DCTN4: variants seen among roughly 807,000 people sequenced by gnomAD.
DCTN4 encodes the protein dynactin subunit 4, also known as dynactin 4 (p62).
Under a neutral mutation model 62.7 loss-of-function variants are expected in DCTN4, and 23 were observed. The observed-to-expected ratio is 0.37, with a 90% CI of 0.26 to 0.52. The LOEUF is 0.52. DCTN4 is among the 20% of genes least tolerant of loss of function. The probability of loss-of-function intolerance (pLI) is 0.92; values close to 1 mark genes in which losing one functional copy is unlikely to be tolerated. For synonymous variants in DCTN4, 199 were observed against 202.1 expected (o/e 0.98, Z 0.13); for missense variants, 514 against 580.4 (o/e 0.89, Z 1.18).
chr5:150,730,459 G>A (rs1013415640), intron 8 of DCTN4, among the ~76,000 whole-genome samples, 172 bp downstream of exon 8: 1 of 152,216 alleles, frequency 6.6e-6, no homozygotes, highest in Non-Finnish European at 1.5e-5. Context: ...AGAGTTGTAA[G>A]AGCTGTTTAT....
intron 5 of DCTN4, among the ~76,000 whole-genome samples, chr5:150,732,431 G>A (rs547890979): frequency 5.3e-5 from 8 of 152,308 alleles, no homozygotes; most frequent in East Asian, 1.9e-4. Flanking sequence ...GATTACAGGC[G>A]TGAGCCACTG....
Position 150,721,952 on chromosome 5 carries a change from G to C in DCTN4, c.908+955C>G, listed in dbSNP as rs144614132. On this transcript the variant is annotated intron_variant, in intron 9 of 12. Coordinates refer to ENST00000447998, the MANE Select transcript of DCTN4 (RefSeq NM_016221.4). ...GGGTCCTCTCACCTCAGACTCCCAA[G>C]TAGCTAGGACTACAGGTGCATGCCA... Among the ~76,000 whole-genome samples, 912 of 152,186 alleles carry C rather than the reference G, an allele frequency of 6.0e-3. 3 individuals carry two copies. The highest frequency in any genetic ancestry group is 0.011 in the Non-Finnish European group (720 of 67,992).
intron 3 of DCTN4, among the ~76,000 whole-genome samples, chr5:150,745,237 C>CTA (rs1312240879): frequency 6.7e-6 from 1 of 150,210 alleles, no homozygotes; most frequent in East Asian, 2.0e-4. Flanking sequence ...ACAAGAAGCG[C>CTA]TAACTATCCT....
chr5:150,715,447 A>AT, intron 12 of DCTN4, 118 bp downstream of exon 12: 1 of 732,616 alleles, frequency 1.4e-6, no homozygotes, highest in Non-Finnish European at 2.2e-6. Flanking sequence ...TACAATAATT[A>AT]TTTTTAGAAA....
intron 5 of DCTN4, chr5:150,731,878 G>T: frequency 6.4e-7 from 1 of 1,551,552 alleles, no homozygotes; most frequent in Non-Finnish European, 8.7e-7. Context: ...TCATAAAGGA[G>T]AACTTACCAC....
rs1000287471 is a variant in DCTN4, at chr5:150,758,307, T to G, written c.135+552A>C. The stretch of plus-strand genomic sequence containing the variant: ...ATAAATACACTTTCAGCTTCTTACA[T>G]GACATACTGTATTCTGAGCGCTTTT... On this transcript the variant is annotated intron_variant, in intron 1 of 12. Coordinates refer to ENST00000447998, the MANE Select transcript of DCTN4 (RefSeq NM_016221.4). 3 of 985,626 alleles carry G rather than the reference T, an allele frequency of 3.0e-6. No individual in the cohort carries two copies. In the African/African-American group the frequency reaches 5.2e-5, roughly 17 times the overall value. 61.1% of individuals were successfully genotyped at this position (985,626 alleles called of 1,614,324 possible). A position where few individuals can be genotyped will look rare whatever the true frequency, so the allele number is the denominator to read the frequency against.
At chr5:150,713,076 G>A (rs1367812625) in intron 12 of DCTN4, among the ~76,000 whole-genome samples, 2 of 152,178 alleles carry the variant, frequency 1.3e-5, no homozygotes, top group African/African-American at 4.8e-5. Context: ...AAGGATTTGA[G>A]AGAACACATT....
intron 1 of DCTN4, among the ~76,000 whole-genome samples, chr5:150,757,706 T>C (rs992768914): frequency 2.4e-4 from 36 of 152,328 alleles, no homozygotes; most frequent in African/African-American, 8.7e-4. Flanking sequence ...TTTTCTTGTA[T>C]TATTTAATTG....
rs1048378217 is a variant in DCTN4 at position 150,758,903 on chromosome 5, G to T, written c.91C>A (p.Arg31Ser). 19 of 1,613,992 alleles carry T rather than the reference G, an allele frequency of 1.2e-5. No individual in the cohort carries two copies. Among genetic ancestry groups the T allele is most frequent in the Non-Finnish European group, 1.6e-5 (19 of 1,180,006 alleles). Residue 31 changes from arginine to serine, a missense_variant, in exon 1 of 13, where the codon CGC becomes AGC. By Grantham distance (110) the Arg-to-Ser change is moderately radical (BLOSUM62 -1). Coordinates refer to ENST00000447998, the MANE Select transcript of DCTN4 (RefSeq NM_016221.4). Reference protein sequence around the residue: ...RAPLSQLYFCRYCSELRSLEC... With the variant: ...RAPLSQLYFCSYCSELRSLEC... ...AGCGACCGCAGTTCGCTACAATAGC[G>T]GCAGAAGTAGAGTTGCGAGAGCGGG...
chr5:150,741,751 G>A (rs1397542663), intron 4 of DCTN4, among the ~76,000 whole-genome samples: 2 of 152,154 alleles, frequency 1.3e-5, no homozygotes, highest in African/African-American at 4.8e-5. Context: ...CAAAGTATTG[G>A]GATTACAGGC....
chr5:150,756,342 G>C (rs1394769581), intron 2 of DCTN4, 75 bp downstream of exon 2: 1 of 1,085,448 alleles, frequency 9.2e-7, no homozygotes, highest in African/African-American at 1.6e-5. Context: ...CCTGGCCCAT[G>C]TGTCTTTTTA....
intron 8 of DCTN4, among the ~76,000 whole-genome samples, chr5:150,724,121 AACTG>A (rs1379263649): frequency 6.6e-6 from 1 of 152,232 alleles, no homozygotes; most frequent in Non-Finnish European, 1.5e-5. Context: ...ACTGAAATAT[AACTG>A]ACTAATCTGA....
chr5:150,727,505 G>A (rs192629332), intron 8 of DCTN4, among the ~76,000 whole-genome samples: 320 of 152,110 alleles, frequency 2.1e-3, no homozygotes, highest in Non-Finnish European at 1.3e-3. Flanking sequence ...GGCCGGGCGC[G>A]GTGGCTCACG....
intron 9 of DCTN4, among the ~76,000 whole-genome samples, chr5:150,721,607 C>T (rs1057139198): frequency 2.6e-5 from 4 of 152,198 alleles, no homozygotes; most frequent in African/African-American, 7.2e-5. Flanking sequence ...TTTCCATATA[C>T]AGTGTATCTT....
intron 8 of DCTN4, among the ~76,000 whole-genome samples, chr5:150,729,945 C>T (rs1159360097): frequency 6.6e-6 from 1 of 151,872 alleles, no homozygotes; most frequent in Non-Finnish European, 1.5e-5. Flanking sequence ...AAACTCTATA[C>T]ATTGTGTTTG....
At chr5:150,743,823 A>C (rs1190566979) in intron 3 of DCTN4, among the ~76,000 whole-genome samples, 2 of 152,180 alleles carry the variant, frequency 1.3e-5, no homozygotes, top group Admixed American at 1.3e-4. Flanking sequence ...AAGTAGATAA[A>C]ATCACAAAGA....
At chr5:150,748,736 A>G (rs1329718135) in intron 3 of DCTN4, among the ~76,000 whole-genome samples, 1 of 141,796 alleles carries the variant, frequency 7.1e-6, no homozygotes, top group Non-Finnish European at 1.5e-5. Flanking sequence ...GAATTGAACA[A>G]TGAGAACACA....
intron 6 of DCTN4, 90 bp downstream of exon 6, chr5:150,731,326 T>C (rs1760357002): frequency 2.4e-6 from 2 of 823,616 alleles, no homozygotes; most frequent in South Asian, 3.7e-5. Context: ...CATTGACAAC[T>C]GTGTGTGTGT....
At chr5:150,714,979 C>CT (rs768883967) in intron 12 of DCTN4, among the ~76,000 whole-genome samples, 12 of 152,176 alleles carry the variant, frequency 7.9e-5, no homozygotes, top group Non-Finnish European at 1.0e-4. Context: ...CTTCAGTGTT[C>CT]TTTTTCACTT....
Sources: allele counts gnomAD v4.1 joint callset (sites outside exome capture counted in the v4.1 genomes callset), GRCh38; gene constraint gnomAD v4.1.1; transcripts MANE v1.5; gene names NCBI Gene and HGNC (gene_info 2026-07-23, HGNC 2026-07-21).